HSDL2: variants seen among roughly 807,000 people sequenced by gnomAD.
The protein encoded by HSDL2 is hydroxysteroid dehydrogenase like 2.
A neutral mutation model predicts 46.3 loss-of-function variants in HSDL2; 27 were observed. That is an observed-to-expected ratio of 0.58 (90% CI 0.43 to 0.80). The LOEUF is 0.80. Ranked by LOEUF, HSDL2 falls within the 30% of genes least tolerant of loss-of-function variation. The pLI, the probability that HSDL2 is intolerant of heterozygous loss-of-function variation, is 0.00. For synonymous variants in HSDL2, 153 were observed against 163.6 expected (o/e 0.94, Z 0.50); for missense variants, 451 against 502.7 (o/e 0.90, Z 0.98).
chr9:112,404,002 G>A lies in HSDL2; in HGVS notation c.25G>A (p.Ala9Thr), dbSNP rs1180240179. The A allele has an allele frequency of 6.2e-7, 1 of 1,613,836 alleles. No individual in the cohort carries two copies. The highest frequency in any genetic ancestry group is 1.3e-5 in the African/African-American group (1 of 74,916). Residue 9 changes from alanine (A) to threonine (T), a missense_variant, in exon 2 of 11, where the codon GCA becomes ACA. Physicochemically the swap from Ala to Thr is moderately conservative, Grantham distance 58 (BLOSUM62 0). Transcript: ENST00000398805. ...GTATTTGTTCTGTTGTAGGAGGCTG[G>A]CAGGATGTACAGTTTTTATCACAGG... MLPNTGRL[A>T]GCTVFITGAS... is the part of the protein sequence containing the mutation.
At chr9:112,445,721 G>A (rs1353688849) in intron 8 of HSDL2, among the ~76,000 whole-genome samples, 4 of 151,892 alleles carry the variant, frequency 2.6e-5, no homozygotes, top group African/African-American at 4.8e-5. Context: ...ATGGGGTTTC[G>A]CCACATTAGC....
chr9:112,403,527 T>C (rs948439416), intron 1 of HSDL2, among the ~76,000 whole-genome samples: 1 of 152,246 alleles, frequency 6.6e-6, no homozygotes, highest in East Asian at 1.9e-4. Flanking sequence ...TGAGCATTCA[T>C]TGAACAATTA....
intron 10 of HSDL2, among the ~76,000 whole-genome samples, chr9:112,465,090 T>A (rs78432997): frequency 0.023 from 3,511 of 152,282 alleles, 147 homozygotes; most frequent in African/African-American, 0.08. Flanking sequence ...CATAACCTTT[T>A]AAAAAATAAA....
At chr9:112,384,831 A>T (rs750963968) in intron 1 of HSDL2, among the ~76,000 whole-genome samples, 8 of 151,402 alleles carry the variant, frequency 5.3e-5, no homozygotes, top group Admixed American at 3.3e-4. Context: ...TCCATAGCAT[A>T]ACTGCTGACC....
In HSDL2 at chr9:112,454,159, T is replaced by C; in HGVS notation, c.1012T>C (p.Ser338Pro). The C allele has an allele frequency of 6.2e-7, 1 of 1,610,376 alleles. No homozygotes were observed. The highest frequency in any genetic ancestry group is 2.2e-5 in the East Asian group (1 of 44,844). Reference sequence around the variant, plus strand: ...TCAAGCAATCTATCTGTTTGAACTCTCCGGTAAGGACTGCATCTGGTAATC... The same window carrying C: ...TCAAGCAATCTATCTGTTTGAACTCCCCGGTAAGGACTGCATCTGGTAATC... ...ATQAIYLFELSGEDGGTWFLD... is the reference protein window; with the variant it reads ...ATQAIYLFELPGEDGGTWFLD... The change falls in exon 9 of 11, where the codon TCC (serine) becomes CCC (proline). Residue 338 changes from serine to proline, a missense_variant. Transcript: ENST00000398805.
At chr9:112,464,223 CAGA>C in intron 10 of HSDL2, among the ~76,000 whole-genome samples, 1 of 770 alleles carries the variant, frequency 1.3e-3, no homozygotes, top group Non-Finnish European at 2.3e-3. Context: ...GACACACACA[CAGA>C]CACACACACA....
At chr9:112,414,559 C>G (rs925987016) in intron 4 of HSDL2, among the ~76,000 whole-genome samples, 1 of 151,710 alleles carries the variant, frequency 6.6e-6, no homozygotes, top group African/African-American at 2.4e-5. Flanking sequence ...TCCAGGCCAG[C>G]AAAGTGCAGA....
rs185773542 is a variant in HSDL2, at chr9:112,470,839, C to T, written c.*295C>T. 4 of 183,976 alleles carry T rather than the reference C, an allele frequency of 2.2e-5. No individual in the cohort carries two copies. The highest frequency in any genetic ancestry group is 2.7e-4 in the East Asian group (2 of 7,530). 11.4% of individuals were successfully genotyped at this position (183,976 alleles called of 1,614,324 possible). ...CTTTCTCCAAGAAAAGTATTTTGGG[C>T]GGACAGTCAGATCAAGCAGTAAAAT... On this transcript the variant is annotated 3_prime_UTR_variant, in exon 11 of 11. Transcript: ENST00000398805.
At position 112,381,088 on chromosome 9, in the gene HSDL2, T is replaced by TACAC. The variant is rs111459650; in HGVS notation, c.17+934_17+937dup. 5.0e-3 allele frequency among the ~76,000 whole-genome samples: 667 copies of TACAC among 134,244 alleles called. 3 individuals are homozygous for TACAC. The highest frequency in any genetic ancestry group is 0.014 in the African/African-American group (478 of 34,996). 88.1% of individuals were successfully genotyped at this position (134,244 alleles called of 152,430 possible). On this transcript the variant is annotated intron_variant, in intron 1 of 10. Transcript: ENST00000398805. The stretch of plus-strand genomic sequence containing the variant: ...TGAACATAATTTGTATACATCCGGA[T>TACAC]ACACACACACACACACACACACACA...
At chr9:112,428,147 A>G (rs1026578252) in intron 6 of HSDL2, among the ~76,000 whole-genome samples, 4 of 152,316 alleles carry the variant, frequency 2.6e-5, no homozygotes, top group Non-Finnish European at 5.9e-5. Context: ...ACAAAGGACT[A>G]TGGGTGAGAA....
At chr9:112,459,604 C>T in intron 10 of HSDL2, 27 bp downstream of exon 10, 1 of 1,598,562 alleles carries the variant, frequency 6.3e-7, no homozygotes, top group Non-Finnish European at 8.6e-7. Context: ...ATTAGTTTAC[C>T]TTATTGTTCA....
Position 112,470,639 on chromosome 9 carries a change from A to G in HSDL2, c.*95A>G. 1.5e-6 allele frequency: 1 copy of G among 676,462 alleles called. No individual in the cohort carries two copies. Among genetic ancestry groups the G allele is most frequent in the Non-Finnish European group, 2.5e-6 (1 of 398,132 alleles). The allele number at this position is 676,462 out of a possible 1,614,324, so 41.9% of individuals were successfully genotyped here. On this transcript the variant is annotated 3_prime_UTR_variant, in exon 11 of 11. Transcript: ENST00000398805. ...TGTTTGTTTTCTTTCCTGTTATATTATAAGGATATGCACGTTTGTTCTGGA... is the reference window on the plus strand; with the variant it reads ...TGTTTGTTTTCTTTCCTGTTATATTGTAAGGATATGCACGTTTGTTCTGGA...
intron 9 of HSDL2, among the ~76,000 whole-genome samples, chr9:112,459,006 C>CAA (rs71382433): frequency 3.3e-5 from 5 of 152,044 alleles, no homozygotes; most frequent in Admixed American, 1.3e-4. Context: ...AAAAAGAAAA[C>CAA]AAAAAACAAA....
chr9:112,459,669 G>A (rs2132704745), intron 10 of HSDL2, 92 bp downstream of exon 10: 1 of 1,121,234 alleles, frequency 8.9e-7, no homozygotes, highest in Non-Finnish European at 1.3e-6. Context: ...ATCAAGACTT[G>A]TAAATGTTGG....
chr9:112,456,737 G>A (rs7045376), intron 9 of HSDL2, among the ~76,000 whole-genome samples: 145,530 of 152,274 alleles, frequency 0.96, 69,608 homozygotes, highest in African/African-American at 0.98. Flanking sequence ...GCCTCAGCCT[G>A]AAAACGTCCA....
chr9:112,411,923 C>T (rs1157761564), intron 4 of HSDL2, among the ~76,000 whole-genome samples: 1 of 152,090 alleles, frequency 6.6e-6, no homozygotes. Flanking sequence ...TATTATTGCT[C>T]AACATGTTGA....
chr9:112,418,793 TCTA>T, intron 5 of HSDL2, 64 bp from the exon 6 acceptor site: 1 of 862,352 alleles, frequency 1.2e-6, no homozygotes, highest in Non-Finnish European at 1.7e-6. Context: ...ATTGGTTATT[TCTA>T]CTCACAAGTT....
At chr9:112,421,006 A>C (rs1438256125) in intron 6 of HSDL2, among the ~76,000 whole-genome samples, 2 of 152,178 alleles carry the variant, frequency 1.3e-5, no homozygotes, top group African/African-American at 4.8e-5. Flanking sequence ...GAGAATGCAT[A>C]GTGGGAACCA....
At chr9:112,399,101 C>A (rs1587932619) in intron 1 of HSDL2, among the ~76,000 whole-genome samples, 1 of 152,084 alleles carries the variant, frequency 6.6e-6, no homozygotes, top group Admixed American at 6.6e-5. Context: ...ATTGGGGGAA[C>A]CTACCCCTAA....
Sources: allele counts gnomAD v4.1 joint callset (sites outside exome capture counted in the v4.1 genomes callset), GRCh38; gene constraint gnomAD v4.1.1; transcripts MANE v1.5; gene names NCBI Gene and HGNC (gene_info 2026-07-23, HGNC 2026-07-21).